Variants in LPP observed in about 807,000 individuals in gnomAD.
LPP encodes the protein lipoma-preferred partner.
LPP carries 38 observed loss-of-function variants against 60.4 expected under a neutral mutation model. The observed-to-expected ratio is 0.63, with a 90% CI of 0.49 to 0.83. LPP has a LOEUF of 0.83. Among genes scored for constraint, LPP ranks in the 40% least tolerant of loss-of-function variants. The pLI, the probability that LPP is intolerant of heterozygous loss-of-function variation, is 0.00. For missense variants in LPP, 902 were observed against 783.6 expected, an observed-to-expected ratio of 1.15 and a Z score of -1.80; for synonymous variants, 328 against 290.8, an observed-to-expected ratio of 1.13 and a Z score of -1.30.
chr3:188,341,310 CTG>C (rs1762989903), intron 2 of LPP, among the ~76,000 whole-genome samples: 1 of 152,232 alleles, frequency 6.6e-6, no homozygotes, highest in South Asian at 2.1e-4. Flanking sequence ...AGATACTAAA[CTG>C]TGTAATCTTG....
intron 2 of LPP, among the ~76,000 whole-genome samples, chr3:188,275,793 A>G (rs1037332716): frequency 6.6e-6 from 1 of 152,040 alleles, no homozygotes; most frequent in African/African-American, 2.4e-5. Context: ...CTCCTGCCTC[A>G]GCCTCCTGAG....
intron 2 of LPP, among the ~76,000 whole-genome samples, chr3:188,290,068 G>C (rs1249228119): frequency 6.6e-6 from 1 of 152,014 alleles, no homozygotes; most frequent in African/African-American, 2.4e-5. Flanking sequence ...GGCCTCCCGG[G>C]TTCAAGTGAT....
intron 7 of LPP, among the ~76,000 whole-genome samples, chr3:188,613,848 A>G (rs1215946778): frequency 1.3e-5 from 2 of 152,134 alleles, no homozygotes; most frequent in Non-Finnish European, 2.9e-5. Context: ...GAAACAGAGA[A>G]TGTTCATACA....
intron 4 of LPP, among the ~76,000 whole-genome samples, chr3:188,406,768 G>T (rs1783597473): frequency 6.6e-6 from 1 of 152,174 alleles, no homozygotes; most frequent in African/African-American, 2.4e-5. Flanking sequence ...ACCTCCTCTG[G>T]CTGTTTTTCT....
intron 8 of LPP, among the ~76,000 whole-genome samples, chr3:188,733,775 G>GTTGTT (rs75447516): frequency 0.22 from 34,075 of 151,832 alleles, 4,249 homozygotes; most frequent in Middle Eastern, 0.42. Context: ...TGTTTTTGTG[G>GTTGTT]TTGTTTTGTT....
At chr3:188,266,600 A>G (rs1265300197) in intron 2 of LPP, among the ~76,000 whole-genome samples, 1 of 152,134 alleles carries the variant, frequency 6.6e-6, no homozygotes, top group Admixed American at 6.5e-5. Context: ...TATTATGTAC[A>G]TAACTTTCTC....
intron 7 of LPP, among the ~76,000 whole-genome samples, chr3:188,689,889 A>G (rs537813878): frequency 2.6e-5 from 4 of 151,434 alleles, no homozygotes; most frequent in East Asian, 1.9e-4. Flanking sequence ...CCATTGACAC[A>G]TGATGGTATA....
chr3:188,320,643 A>G (rs1039017028), intron 2 of LPP, among the ~76,000 whole-genome samples: 2 of 152,080 alleles, frequency 1.3e-5, no homozygotes, highest in East Asian at 1.9e-4. Context: ...ATGAGGAGAG[A>G]ATTCTTTTTC....
rs1302969471 is a variant in LPP at position 188,781,891 on chromosome 3, CAA to C, written c.1410+21626_1410+21627del. On this transcript the variant is annotated intron_variant, in intron 9 of 11. Transcript: ENST00000617246. ...TGGGCGACAGAGCAAGACTCCGTCT[CAA>C]AAAAAAAAAAAAAAAATCTATCACC... Among the ~76,000 whole-genome samples, 93 of 79,160 alleles carry C rather than the reference CAA, an allele frequency of 1.2e-3. 1 individual carries two copies. Among genetic ancestry groups the C allele is most frequent in the African/African-American group, 3.2e-3 (74 of 22,818 alleles). 51.9% of individuals were successfully genotyped at this position (79,160 alleles called of 152,430 possible). A position where few individuals can be genotyped will look rare whatever the true frequency, so the allele number is the denominator to read the frequency against.
At chr3:188,689,598 A>C (rs1485332391) in intron 7 of LPP, among the ~76,000 whole-genome samples, 2 of 152,124 alleles carry the variant, frequency 1.3e-5, no homozygotes, top group African/African-American at 4.8e-5. Context: ...ACTCAACATA[A>C]TGTCCTCCAG....
intron 8 of LPP, chr3:188,758,848 C>T (rs983612486): frequency 6.6e-6 from 1 of 152,238 alleles, no homozygotes; most frequent in South Asian, 2.1e-4. Context: ...ATTTGTGTGA[C>T]TCAGTTTCCT....
intron 1 of LPP, among the ~76,000 whole-genome samples, chr3:188,183,671 C>T (rs1725754702): frequency 6.6e-6 from 1 of 151,710 alleles, no homozygotes; most frequent in African/African-American, 2.4e-5. Context: ...TGCCATTTAC[C>T]CAGTGCTCAC....
chr3:188,383,575 T>C (rs976228469), intron 3 of LPP, among the ~76,000 whole-genome samples: 2 of 152,206 alleles, frequency 1.3e-5, no homozygotes, highest in Admixed American at 6.5e-5. Flanking sequence ...ACAACAATTA[T>C]GTAAATTTTC....
rs117280300 is a variant in LPP at position 188,283,383 on chromosome 3, A to G, written c.-67+57856A>G. The stretch of plus-strand genomic sequence containing the variant: ...ACATGCCAAGTTGCTGCATTTGTGA[A>G]ATTGAATGAAATTCTGGCTGCGTTT... On this transcript the variant is annotated intron_variant, in intron 2 of 11. Transcript: ENST00000617246. 6.6e-5 allele frequency among the ~76,000 whole-genome samples: 10 copies of G among 152,330 alleles called. No homozygotes were observed. In the East Asian group the frequency reaches 1.9e-3, roughly 29 times the overall value.
rs190093893 is a variant in LPP at position 188,365,945 on chromosome 3, A to G, written c.-10+24226A>G. ...TACTCTATTAGCAAATTTCAAGTGT[A>G]CAATACAGTATTAACTACAGCCACC... On this transcript the variant is annotated intron_variant, in intron 3 of 11. Transcript: ENST00000617246. Among the ~76,000 whole-genome samples, 4 of 152,286 alleles carry G rather than the reference A, an allele frequency of 2.6e-5. No individual in the cohort carries two copies. The East Asian group carries it at 7.7e-4, about 29-fold the overall frequency.
intron 7 of LPP, among the ~76,000 whole-genome samples, chr3:188,682,230 C>G (rs756849185): frequency 3.9e-5 from 6 of 152,136 alleles, no homozygotes; most frequent in Non-Finnish European, 7.4e-5. Context: ...ATATTAATAG[C>G]AAAGCAAGAA....
chr3:188,190,866 C>T (rs563778978), intron 1 of LPP, among the ~76,000 whole-genome samples: 4 of 152,284 alleles, frequency 2.6e-5, no homozygotes, highest in African/African-American at 7.2e-5. Context: ...GGAAAATAAT[C>T]CCTGTTCTTC....
At chr3:188,399,257 C>T (rs1781680815) in intron 3 of LPP, among the ~76,000 whole-genome samples, 1 of 151,990 alleles carries the variant, frequency 6.6e-6, no homozygotes, top group African/African-American at 2.4e-5. Context: ...TAATGGAGAG[C>T]CGTATAGCCC....
At chr3:188,290,476 G>A (rs1434638562) in intron 2 of LPP, among the ~76,000 whole-genome samples, 4 of 152,026 alleles carry the variant, frequency 2.6e-5, no homozygotes, top group Non-Finnish European at 4.4e-5. Flanking sequence ...AGAGCATGTA[G>A]AACAATGCTT....
Sources: allele counts gnomAD v4.1 joint callset (sites outside exome capture counted in the v4.1 genomes callset), GRCh38; gene constraint gnomAD v4.1.1; transcripts MANE v1.5; gene names NCBI Gene and HGNC (gene_info 2026-07-23, HGNC 2026-07-21).